The following ASH1L variants were observed in gnomAD, a reference collection of about 807,000 sequenced individuals.
ASH1L encodes the protein histone-lysine N-methyltransferase ASH1L.
Under a neutral mutation model 269.0 loss-of-function variants are expected in ASH1L, and 23 were observed. The observed-to-expected ratio is 0.09, with a 90% CI of 0.06 to 0.12. ASH1L has a LOEUF of 0.12. Ranked by LOEUF, ASH1L falls within the 10% of genes least tolerant of loss-of-function variation. The probability of loss-of-function intolerance (pLI) is 1.00; values close to 1 mark genes in which losing one functional copy is unlikely to be tolerated. For synonymous variants in ASH1L, 1,187 were observed against 1,253.5 expected, an observed-to-expected ratio of 0.95 and a Z score of 1.12; for missense variants, 2,912 against 3,567.8, an observed-to-expected ratio of 0.82 and a Z score of 4.68.
intron 25 of ASH1L, among the ~76,000 whole-genome samples, chr1:155,339,928 T>A (rs1194979181): frequency 6.6e-6 from 1 of 152,192 alleles, no homozygotes; most frequent in Admixed American, 6.5e-5. Context: ...AAGGAATTCT[T>A]CAGCTCCATT....
chr1:155,514,608 C>T (rs1668380676), intron 2 of ASH1L, among the ~76,000 whole-genome samples: 1 of 151,876 alleles, frequency 6.6e-6, no homozygotes, highest in Non-Finnish European at 1.5e-5. Flanking sequence ...CAAATTCAAG[C>T]GATCTTCTTA....
chr1:155,362,206 T>G (rs1317565875), intron 12 of ASH1L, among the ~76,000 whole-genome samples: 4 of 151,916 alleles, frequency 2.6e-5, no homozygotes, highest in African/African-American at 9.7e-5. Context: ...AGCTACTTTT[T>G]CATATTTTTA....
In ASH1L at chr1:155,406,304, T is replaced by TA. The variant is rs530254357; in HGVS notation, c.6008+9439dup. On this transcript the variant is annotated intron_variant, in intron 6 of 27. Coordinates refer to ENST00000392403, the MANE Select transcript of ASH1L (RefSeq NM_018489.3). ...TTTGCAGAAATAGATAAGCTGATCC[T>TA]AAAAAATCACAGAGAAATGGCAAGG... 3.8e-4 allele frequency among the ~76,000 whole-genome samples: 57 copies of TA among 151,444 alleles called. No individual in the cohort carries two copies. In the East Asian group the frequency reaches 0.011, roughly 28 times the overall value.
At chr1:155,554,433 G>A (rs1189264762) in intron 1 of ASH1L, among the ~76,000 whole-genome samples, 1 of 151,936 alleles carries the variant, frequency 6.6e-6, no homozygotes, top group Non-Finnish European at 1.5e-5. Context: ...CCCCCACACA[G>A]GGCTAATTTT....
chr1:155,348,348 G>A (rs142399914), intron 19 of ASH1L, among the ~76,000 whole-genome samples: 1 of 151,920 alleles, frequency 6.6e-6, no homozygotes, highest in African/African-American at 2.4e-5. Flanking sequence ...CTCTTCTCCC[G>A]CTTGTCTATT....
At chr1:155,353,918 A>T (rs984298699) in intron 16 of ASH1L, among the ~76,000 whole-genome samples, 1 of 152,216 alleles carries the variant, frequency 6.6e-6, no homozygotes, top group Admixed American at 6.5e-5. Flanking sequence ...AAGAGGGCCC[A>T]CTATCTATCT....
intron 2 of ASH1L, among the ~76,000 whole-genome samples, chr1:155,494,467 G>C (rs967694727): frequency 1.3e-5 from 2 of 152,178 alleles, no homozygotes; most frequent in African/African-American, 4.8e-5. Flanking sequence ...GGAAAAGACA[G>C]ACAATTGCAG....
intron 1 of ASH1L, among the ~76,000 whole-genome samples, chr1:155,532,887 ATATATGTATGTATG>A (rs201199945): frequency 0.021 from 3,145 of 148,908 alleles, 116 homozygotes; most frequent in African/African-American, 0.074. Context: ...ATATGTATAT[ATATATGTATGTATG>A]TATATGTATG....
intron 7 of ASH1L, among the ~76,000 whole-genome samples, chr1:155,389,877 CTTTT>C (rs1018913896): frequency 1.7e-5 from 2 of 118,452 alleles, no homozygotes; most frequent in Non-Finnish European, 1.8e-5. Context: ...CTACCAGTAG[CTTTT>C]TTTTTTTTTT....
At chr1:155,416,740 C>T (rs1308203837) in intron 5 of ASH1L, among the ~76,000 whole-genome samples, 1 of 151,404 alleles carries the variant, frequency 6.6e-6, no homozygotes. Flanking sequence ...TTAGTTTCAC[C>T]ATGTTGGCCA....
At chr1:155,447,757 A>G (rs1663144709) in intron 4 of ASH1L, among the ~76,000 whole-genome samples, 1 of 152,212 alleles carries the variant, frequency 6.6e-6, no homozygotes, top group Non-Finnish European at 1.5e-5. Flanking sequence ...TATTCTGGTT[A>G]TGAACACTTT....
At chr1:155,561,042 GA>G (rs1558227678) in intron 1 of ASH1L, among the ~76,000 whole-genome samples, 1 of 150,798 alleles carries the variant, frequency 6.6e-6, no homozygotes, top group Non-Finnish European at 1.5e-5. Flanking sequence ...CAGTAGTAGT[GA>G]AAATATGGGA....
chr1:155,411,586 A>AATATATATATATAAATATATATATAT (rs1553253332), intron 6 of ASH1L, among the ~76,000 whole-genome samples: 18 of 55,164 alleles, frequency 3.3e-4, no homozygotes, highest in Admixed American at 3.0e-3. Flanking sequence ...TAAATAAATA[A>AATATATATATATAAATATATATATAT]ATATATATAT....
chr1:155,380,248 C>A, intron 7 of ASH1L, 132 bp from the exon 8 acceptor site: 2 of 638,994 alleles, frequency 3.1e-6, no homozygotes, highest in Non-Finnish European at 5.3e-6. Flanking sequence ...ATTTTTCCAT[C>A]ACCAATTTTT....
intron 7 of ASH1L, among the ~76,000 whole-genome samples, chr1:155,382,881 A>G (rs953989922): frequency 2.0e-5 from 3 of 152,108 alleles, no homozygotes; most frequent in African/African-American, 7.2e-5. Context: ...ATGTGCCACC[A>G]TGCCTGGCTG....
chr1:155,512,768 C>T (rs946620435), intron 2 of ASH1L, among the ~76,000 whole-genome samples: 2 of 151,924 alleles, frequency 1.3e-5, no homozygotes, highest in Non-Finnish European at 2.9e-5. Flanking sequence ...TCAAGCTGGG[C>T]ACAGTGGCTC....
At chr1:155,538,597 C>A (rs1670216136) in intron 1 of ASH1L, among the ~76,000 whole-genome samples, 2 of 149,948 alleles carry the variant, frequency 1.3e-5, no homozygotes, top group Non-Finnish European at 3.0e-5. Context: ...CCGCCTCGGC[C>A]TTCCAAAGTG....
chr1:155,546,722 C>T (rs1469086985), intron 1 of ASH1L, among the ~76,000 whole-genome samples: 1 of 151,592 alleles, frequency 6.6e-6, no homozygotes, highest in East Asian at 2.0e-4. Flanking sequence ...CACGCCACTA[C>T]ACTCCACCCT....
chr1:155,350,037 C>T (rs1653749021), intron 17 of ASH1L, among the ~76,000 whole-genome samples: 1 of 151,748 alleles, frequency 6.6e-6, no homozygotes, highest in Non-Finnish European at 1.5e-5. Context: ...CTACAGGTAC[C>T]CGCCACCATG....
Sources: gnomAD v4.1 joint callset for allele counts (sites outside exome capture counted in the v4.1 genomes callset) on GRCh38, gnomAD v4.1.1 for gene constraint, MANE v1.5 for transcripts, NCBI Gene and HGNC (gene_info 2026-07-23, HGNC 2026-07-21) for gene names.